UGGT2: variants seen among roughly 807,000 people sequenced by gnomAD.
UGGT2 encodes UDP-glucose glycoprotein glucosyltransferase 2.
UGGT2 carries 180 observed loss-of-function variants against 192.1 expected under a neutral mutation model. The ratio of observed to expected loss-of-function variants is 0.94; its 90% CI spans 0.83 to 1.06. The LOEUF (loss-of-function observed/expected upper bound fraction) is 1.06. Among genes scored for constraint, UGGT2 ranks in the 50% least tolerant of loss-of-function variants. The probability of loss-of-function intolerance (pLI) is 0.00; values close to 1 mark genes in which losing one functional copy is unlikely to be tolerated. For synonymous variants in UGGT2, 580 were observed against 591.0 expected (o/e 0.98, Z 0.27); for missense variants, 1,849 against 1,795.7 (o/e 1.03, Z -0.54).
At chr13:96,004,376 G>C (rs2051903804) in intron 5 of UGGT2, among the ~76,000 whole-genome samples, 1 of 152,014 alleles carries the variant, frequency 6.6e-6, no homozygotes. Flanking sequence ...TCCAATTTTT[G>C]AAGTCAGGGA....
At chr13:95,951,973 G>A (rs569604845) in intron 12 of UGGT2, among the ~76,000 whole-genome samples, 209 of 151,722 alleles carry the variant, frequency 1.4e-3, no homozygotes, top group Non-Finnish European at 1.4e-3. Flanking sequence ...CAGGAGAATC[G>A]CTTGAACCCA....
chr13:95,881,558 C>CAG (rs34690643), intron 27 of UGGT2, among the ~76,000 whole-genome samples: 60,189 of 151,754 alleles, frequency 0.4, 12,066 homozygotes, highest in Middle Eastern at 0.42. Context: ...GGCAATCAAA[C>CAG]AAATTCTTTC....
intron 38 of UGGT2, among the ~76,000 whole-genome samples, chr13:95,811,157 G>A (rs1270891341): frequency 1.3e-5 from 2 of 152,146 alleles, no homozygotes; most frequent in African/African-American, 4.8e-5. Context: ...TGGTGGAAAT[G>A]TAAAATACAG....
intron 21 of UGGT2, among the ~76,000 whole-genome samples, chr13:95,901,655 T>C (rs1039065765): frequency 6.6e-6 from 1 of 152,186 alleles, no homozygotes; most frequent in Admixed American, 6.5e-5. Context: ...CATTGTCCAA[T>C]ATGGCAGCCA....
At chr13:95,827,000 C>T (rs1467073540) in intron 38 of UGGT2, among the ~76,000 whole-genome samples, 2 of 151,858 alleles carry the variant, frequency 1.3e-5, no homozygotes, top group East Asian at 1.9e-4. Context: ...TAGACAGAGA[C>T]CAATGGAACG....
At position 95,925,662 on chromosome 13, in the gene UGGT2, G is replaced by A; in HGVS notation, c.2295+18C>T. 7.0e-7 allele frequency: 1 copy of A among 1,436,972 alleles called. No homozygotes were observed. Among genetic ancestry groups the A allele is most frequent in the Non-Finnish European group, 9.3e-7 (1 of 1,072,728 alleles). The allele number at this position is 1,436,972 out of a possible 1,614,324, so 89.0% of individuals were successfully genotyped here. A position where few individuals can be genotyped will look rare whatever the true frequency, so the allele number is the denominator to read the frequency against. Reference sequence around the variant, plus strand: ...TGAAATAAATTAAAATTGTTAGTAAGAATATCTAGGTACTCACCATGTGCT... The same window carrying A: ...TGAAATAAATTAAAATTGTTAGTAAAAATATCTAGGTACTCACCATGTGCT... On this transcript the variant is annotated intron_variant, in intron 20 of 38. Coordinates refer to ENST00000376747, the MANE Select transcript of UGGT2 (RefSeq NM_020121.4).
chr13:96,012,130 T>C (rs1418846253), intron 5 of UGGT2, among the ~76,000 whole-genome samples: 1 of 152,000 alleles, frequency 6.6e-6, no homozygotes, highest in African/African-American at 2.4e-5. Context: ...TGCAACAGAA[T>C]GGAAAGTCTA....
At position 96,023,656 on chromosome 13, in the gene UGGT2, G is replaced by A. The variant is rs1287717904; in HGVS notation, c.345C>T (p.Tyr115=). Residue 115 remains tyrosine, a synonymous_variant, in exon 3 of 39, where the codon TAC becomes TAT. Coordinates refer to ENST00000376747, the MANE Select transcript of UGGT2 (RefSeq NM_020121.4). Reference sequence around the variant, plus strand: ...GCTGAAACATCTGAATAGCTGGGGAGTATGCCCTTATAGAGAAAGCAAACT... The same window carrying A: ...GCTGAAACATCTGAATAGCTGGGGAATATGCCCTTATAGAGAAAGCAAACT... The part of the protein sequence containing the change: ...LLKFAFSIRA[Y]SPAIQMFQQI... 6.2e-7 allele frequency: 1 copy of A among 1,610,964 alleles called. No individual in the cohort carries two copies. The highest frequency in any genetic ancestry group is 1.7e-5 in the Admixed American group (1 of 59,892).
intron 36 of UGGT2, among the ~76,000 whole-genome samples, chr13:95,838,571 G>A (rs181935694): frequency 1.3e-5 from 2 of 152,110 alleles, no homozygotes; most frequent in Non-Finnish European, 2.9e-5. Flanking sequence ...AATCAAAACA[G>A]TGTGGTATTG....
At chr13:95,846,939 TA>T (rs1333147458) in intron 36 of UGGT2, among the ~76,000 whole-genome samples, 8 of 152,126 alleles carry the variant, frequency 5.3e-5, no homozygotes, top group Admixed American at 6.5e-5. Flanking sequence ...TTGTGTCTTT[TA>T]CCTTTTTTTT....
At chr13:95,978,032 G>A (rs546872926) in intron 10 of UGGT2, among the ~76,000 whole-genome samples, 7 of 152,138 alleles carry the variant, frequency 4.6e-5, no homozygotes, top group Admixed American at 4.6e-4. Flanking sequence ...GGGGGTAGGG[G>A]GCAAGGGGAG....
At chr13:96,041,996 G>A (rs1222357211) in intron 1 of UGGT2, among the ~76,000 whole-genome samples, 4 of 152,084 alleles carry the variant, frequency 2.6e-5, no homozygotes, top group Non-Finnish European at 5.9e-5. Flanking sequence ...CCCACCCACT[G>A]CCTGATCCTC....
intron 15 of UGGT2, among the ~76,000 whole-genome samples, chr13:95,941,568 T>C (rs2049681267): frequency 6.6e-6 from 1 of 152,024 alleles, no homozygotes; most frequent in Admixed American, 6.6e-5. Context: ...AAGCAAAAGA[T>C]AAAGGAAAAG....
intron 4 of UGGT2, among the ~76,000 whole-genome samples, chr13:96,014,253 T>A (rs1400300891): frequency 6.6e-6 from 1 of 152,162 alleles, no homozygotes; most frequent in African/African-American, 2.4e-5. Flanking sequence ...AAATAACCTT[T>A]TATTTAGTGA....
intron 20 of UGGT2, among the ~76,000 whole-genome samples, chr13:95,909,496 G>T (rs897284862): frequency 6.7e-6 from 1 of 148,254 alleles, no homozygotes; most frequent in Non-Finnish European, 1.5e-5. Context: ...GTAAACTATC[G>T]CAAGAACAAA....
At chr13:95,928,758 C>A (rs2049135051) in intron 17 of UGGT2, among the ~76,000 whole-genome samples, 1 of 152,044 alleles carries the variant, frequency 6.6e-6, no homozygotes, top group African/African-American at 2.4e-5. Flanking sequence ...TGATGTGCGG[C>A]CAGGCAGAGA....
chr13:95,908,249 T>G (rs1292800934), intron 20 of UGGT2, among the ~76,000 whole-genome samples: 1 of 152,138 alleles, frequency 6.6e-6, no homozygotes, highest in Non-Finnish European at 1.5e-5. Flanking sequence ...TGGAACTATG[T>G]GAAAAGACCA....
At chr13:95,830,340 G>A (rs1392107755) in intron 38 of UGGT2, among the ~76,000 whole-genome samples, 1 of 152,130 alleles carries the variant, frequency 6.6e-6, no homozygotes, top group Non-Finnish European at 1.5e-5. Context: ...AGAGTGAGCA[G>A]GCAACCTACA....
intron 20 of UGGT2, among the ~76,000 whole-genome samples, chr13:95,918,876 C>A (rs924611549): frequency 6.6e-6 from 1 of 152,152 alleles, no homozygotes; most frequent in Non-Finnish European, 1.5e-5. Context: ...TTCTATGAGG[C>A]CAGCATCATC....
Sources: allele counts gnomAD v4.1 joint callset (sites outside exome capture counted in the v4.1 genomes callset), GRCh38; gene constraint gnomAD v4.1.1; transcripts MANE v1.5; gene names NCBI Gene and HGNC (gene_info 2026-07-23, HGNC 2026-07-21).